Variants in TSC22D3 observed in about 807,000 individuals in gnomAD.
The protein encoded by TSC22D3 is TSC22 domain family member 3, also known as TSC22 domain family protein 3.
Under a neutral mutation model 11.1 loss-of-function variants are expected in TSC22D3, and 4 were observed. The ratio of observed to expected loss-of-function variants is 0.36; its 90% CI spans 0.18 to 0.83. The LOEUF (loss-of-function observed/expected upper bound fraction) is 0.83, where lower values mean the gene tolerates loss of function less well. TSC22D3 is among the 40% of genes least tolerant of loss of function. The pLI is 0.48. For synonymous variants in TSC22D3, 77 were observed against 70.3 expected (o/e 1.10, Z -0.48); for missense variants, 118 against 159.4 (o/e 0.74, Z 1.40).
rs761776331 is a variant in TSC22D3, at chrX:107,715,784, C to T, written c.372+115G>A. ...CCAGTGCGGATAGGAGGCAGGCTGT[C>T]GGCTTCCTCAGGGTTTTGGCTAAGG... On this transcript the variant is annotated intron_variant, in intron 2 of 2. Coordinates refer to ENST00000372383, the MANE Select transcript of TSC22D3 (RefSeq NM_198057.3). 4.7e-4 allele frequency: 427 copies of T among 913,993 alleles called. 3 individuals are homozygous for T. In the South Asian group the frequency reaches 8.1e-3, roughly 17 times the overall value. 75.3% of individuals were successfully genotyped at this position (913,993 alleles called of 1,213,427 possible).
At position 107,775,428 on chromosome X, in the gene TSC22D3, G is replaced by T; in HGVS notation, c.-9C>A. The stretch of plus-strand genomic sequence containing the variant: ...AGCTTGGACTGGGCCATCTTCTCAG[G>T]CTCGGAGGTCGCCTGGCCTGCGAGG... On this transcript the variant is annotated 5_prime_UTR_variant, in exon 1 of 3. Coordinates refer to ENST00000372383, the MANE Select transcript of TSC22D3 (RefSeq NM_198057.3). 8.6e-7 allele frequency: 1 copy of T among 1,161,073 alleles called. No individual in the cohort carries two copies. The highest frequency in any genetic ancestry group is 1.9e-5 in the South Asian group (1 of 51,335).
intron 2 of TSC22D3, 24 bp downstream of exon 2, chrX:107,715,875 G>C: frequency 5.0e-6 from 6 of 1,208,266 alleles, no homozygotes; most frequent in Non-Finnish European, 6.7e-6. Context: ...CAGGGGATGA[G>C]AATGACGCAG....
At chrX:107,772,523 C>T (rs1929948807) in intron 1 of TSC22D3, among the ~76,000 whole-genome samples, 1 of 111,171 alleles carries the variant, frequency 9.0e-6, no homozygotes, top group Non-Finnish European at 1.9e-5. Flanking sequence ...AAACCGAATT[C>T]AGAATCCCCA....
chrX:107,715,692 AGGAG>A (rs1286890774), intron 2 of TSC22D3: 2 of 479,872 alleles, frequency 4.2e-6, no homozygotes, highest in Non-Finnish European at 7.5e-6. Context: ...GGAGGAAGAA[AGGAG>A]GGAGCCCAGG....
chrX:107,744,265 T>C (rs1928555073), intron 1 of TSC22D3, among the ~76,000 whole-genome samples: 1 of 111,397 alleles, frequency 9.0e-6, no homozygotes, highest in Admixed American at 9.5e-5. Context: ...AGTGTGGAAA[T>C]AGCACACTAT....
chrX:107,769,969 G>C (rs1449633782), intron 1 of TSC22D3, among the ~76,000 whole-genome samples: 2 of 112,318 alleles, frequency 1.8e-5, no homozygotes, highest in Non-Finnish European at 3.8e-5. Flanking sequence ...CCTATTCTTT[G>C]TCAGACCACT....
chrX:107,716,893 G>A, intron 1 of TSC22D3: 1 of 1,176,121 alleles, frequency 8.5e-7, no homozygotes, highest in Non-Finnish European at 1.1e-6. Context: ...GGCAGGCTGC[G>A]CTGGGCTGGG....
chrX:107,752,605 C>T (rs1005277948), intron 1 of TSC22D3, among the ~76,000 whole-genome samples: 1 of 111,990 alleles, frequency 8.9e-6, no homozygotes, highest in African/African-American at 3.2e-5. Flanking sequence ...TGGACTTTCT[C>T]GTAGCCTGTC....
At chrX:107,748,827 C>A (rs1347828499) in intron 1 of TSC22D3, among the ~76,000 whole-genome samples, 1 of 112,006 alleles carries the variant, frequency 8.9e-6, no homozygotes, top group Non-Finnish European at 1.9e-5. Context: ...TATGCAAATG[C>A]GAGGGATTAT....
At chrX:107,758,088 T>A (rs1395822204) in intron 1 of TSC22D3, among the ~76,000 whole-genome samples, 1 of 109,420 alleles carries the variant, frequency 9.1e-6, no homozygotes, top group African/African-American at 3.3e-5. Flanking sequence ...GAAATTATTG[T>A]TGAAAGAATG....
rs183462919 is a variant in TSC22D3, at chrX:107,740,727, T to C, written c.321-24777A>G. On this transcript the variant is annotated intron_variant, in intron 1 of 2. Transcript: ENST00000372383. The stretch of plus-strand genomic sequence containing the variant: ...GCTAAGATTATCTAAGTTTGTGGCC[T>C]TGTCCCTCTTGGTAACCCCCATAGC... Among the ~76,000 whole-genome samples the C allele has an allele frequency of 4.5e-5, 5 of 110,910 alleles. 1 individual carries two copies. The Admixed American group carries it at 4.8e-4, about 11-fold the overall frequency.
At position 107,775,660 on chromosome X, in the gene TSC22D3, C is replaced by G. The variant is rs896315980; in HGVS notation, c.-241G>C. ...CCGAGCGGATCCTTCGGGCTCACTT[C>G]CTCCTCTTCCTCCTTCTCCTCCCCC... On this transcript the variant is annotated 5_prime_UTR_variant, in exon 1 of 3. Transcript: ENST00000372383. 1 of 275,710 alleles carries G rather than the reference C, an allele frequency of 3.6e-6. No individual in the cohort carries two copies. The highest frequency in any genetic ancestry group is 2.8e-5 in the African/African-American group (1 of 36,086). The allele number at this position is 275,710 out of a possible 1,213,427, so 22.7% of individuals were successfully genotyped here. A position where few individuals can be genotyped will look rare whatever the true frequency, so the allele number is the denominator to read the frequency against.
At chrX:107,753,080 G>T (rs112729884) in intron 1 of TSC22D3, among the ~76,000 whole-genome samples, 2,630 of 111,451 alleles carry the variant, frequency 0.024, 77 homozygotes, top group African/African-American at 0.082. Flanking sequence ...CCTGGGACTT[G>T]TCCCCTGGGC....
chrX:107,715,108 C>T (rs1926942386), intron 2 of TSC22D3, among the ~76,000 whole-genome samples: 1 of 111,928 alleles, frequency 8.9e-6, no homozygotes, highest in South Asian at 3.7e-4. Flanking sequence ...TACATAAGCC[C>T]CTACTGCTGC....
At chrX:107,745,290 G>A (rs1250005031) in intron 1 of TSC22D3, among the ~76,000 whole-genome samples, 1 of 112,170 alleles carries the variant, frequency 8.9e-6, no homozygotes, top group Non-Finnish European at 1.9e-5. Context: ...GAGGATTTTA[G>A]GCTGATTTCT....
chrX:107,716,647 G>T (rs1183642642), intron 1 of TSC22D3: 15 of 1,157,826 alleles, frequency 1.3e-5, no homozygotes, highest in Non-Finnish European at 1.7e-5. Flanking sequence ...GCTCCGGCCG[G>T]CGCCCCGGCT....
intron 1 of TSC22D3, among the ~76,000 whole-genome samples, chrX:107,769,646 A>G (rs1929813387): frequency 1.8e-5 from 2 of 110,017 alleles, no homozygotes; most frequent in South Asian, 3.8e-4. Context: ...TTTTATATCT[A>G]TTTTACCACT....
At chrX:107,737,799 G>A (rs188780863) in intron 1 of TSC22D3, among the ~76,000 whole-genome samples, 66 of 112,011 alleles carry the variant, frequency 5.9e-4, no homozygotes, top group African/African-American at 2.1e-3. Flanking sequence ...CACCCCATGA[G>A]TTCCCATTGA....
chrX:107,758,044 C>A (rs1929254585), intron 1 of TSC22D3, among the ~76,000 whole-genome samples: 1 of 110,218 alleles, frequency 9.1e-6, no homozygotes, highest in Non-Finnish European at 1.9e-5. Context: ...AAAACAACAA[C>A]AAAAGATTAA....
Sources: gnomAD v4.1 joint callset for allele counts (sites outside exome capture counted in the v4.1 genomes callset) on GRCh38, gnomAD v4.1.1 for gene constraint, MANE v1.5 for transcripts, NCBI Gene and HGNC (gene_info 2026-07-23, HGNC 2026-07-21) for gene names.